CACNA1D: variants seen among roughly 807,000 people sequenced by gnomAD.
The protein encoded by CACNA1D is voltage-dependent L-type calcium channel subunit alpha-1D.
CACNA1D carries 55 observed loss-of-function variants against 257.1 expected under a neutral mutation model. The ratio of observed to expected loss-of-function variants is 0.21; its 90% CI spans 0.17 to 0.27. The LOEUF (loss-of-function observed/expected upper bound fraction) is 0.27, where lower values mean the gene tolerates loss of function less well. Among genes scored for constraint, CACNA1D ranks in the 10% least tolerant of loss-of-function variants. The probability of loss-of-function intolerance (pLI) is 1.00; values close to 1 mark genes in which losing one functional copy is unlikely to be tolerated. For synonymous variants in CACNA1D, 980 were observed against 1,014.9 expected (o/e 0.97, Z 0.65); for missense variants, 1,876 against 2,784.0 (o/e 0.67, Z 7.34).
intron 40 of CACNA1D, among the ~76,000 whole-genome samples, chr3:53,788,181 C>G (rs2095465908): frequency 6.6e-6 from 1 of 152,028 alleles, no homozygotes; most frequent in Non-Finnish European, 1.5e-5. Flanking sequence ...GTGTGTATCT[C>G]GTGGGTTAGT....
chr3:53,721,658 CT>C (rs1289693805), intron 11 of CACNA1D, among the ~76,000 whole-genome samples: 3 of 152,182 alleles, frequency 2.0e-5, no homozygotes, highest in Non-Finnish European at 4.4e-5. Flanking sequence ...AATATTGGCT[CT>C]TCTCCTAAAG....
chr3:53,718,405 C>A lies in CACNA1D; in HGVS notation c.1478+17C>A. ...AAGTCTCTGGTGAGTGTGGGGAGCA[C>A]TTGCCCTCTTTCCCCTCCTGTTGTC... On this transcript the variant is annotated intron_variant, in intron 10 of 47. Transcript: ENST00000350061. The A allele has an allele frequency of 1.2e-6, 2 of 1,607,260 alleles. No individual in the cohort carries two copies. Among genetic ancestry groups the A allele is most frequent in the South Asian group, 1.1e-5 (1 of 90,950 alleles).
chr3:53,602,228 G>A (rs1270972268), intron 3 of CACNA1D, among the ~76,000 whole-genome samples: 1 of 152,102 alleles, frequency 6.6e-6, no homozygotes, highest in African/African-American at 2.4e-5. Flanking sequence ...TCTGTGCTTG[G>A]CTTATTTCAG....
rs2094349725 is a variant in CACNA1D, at chr3:53,673,972, C to T, written c.1220+846C>T. The T allele has an allele frequency of 2.8e-6, 2 of 706,892 alleles. No homozygotes were observed. Among genetic ancestry groups the T allele is most frequent in the South Asian group, 3.0e-5 (2 of 66,778 alleles). 43.8% of individuals were successfully genotyped at this position (706,892 alleles called of 1,614,324 possible). ...TTGGATTGAACTGTGATTCTTTCTG[C>T]CTGTATCTGTCTGTGAGATTCCGTG... is the stretch of plus-strand genomic sequence containing the variant. On this transcript the variant is annotated intron_variant, in intron 8 of 47. Coordinates refer to ENST00000350061, the MANE Select transcript of CACNA1D (RefSeq NM_001128840.3). The surrounding 1 kb of genome is among the most constrained non-coding windows in gnomAD (Gnocchi z 4.1).
At chr3:53,769,568 A>G (rs1044228183) in intron 30 of CACNA1D, among the ~76,000 whole-genome samples, 1 of 152,212 alleles carries the variant, frequency 6.6e-6, no homozygotes, top group African/African-American at 2.4e-5. Context: ...CCCCTCTGCT[A>G]GAGACATTCT....
At chr3:53,520,895 T>TTTCTTTCTTTCTTTC (rs1553713023) in intron 3 of CACNA1D, among the ~76,000 whole-genome samples, 121 of 86,838 alleles carry the variant, frequency 1.4e-3, no homozygotes, top group South Asian at 2.9e-3. Flanking sequence ...TCTTTCTTTC[T>TTTCTTTCTTTCTTTC]TTTCTTTTCT....
chr3:53,531,246 A>T (rs917633125), intron 3 of CACNA1D, among the ~76,000 whole-genome samples: 15 of 152,000 alleles, frequency 9.9e-5, no homozygotes, highest in South Asian at 2.1e-4. Flanking sequence ...TTCCTTTAGG[A>T]TCTATTTTTT....
At chr3:53,764,685 C>A (rs918767234) in intron 30 of CACNA1D, among the ~76,000 whole-genome samples, 4 of 152,234 alleles carry the variant, frequency 2.6e-5, no homozygotes, top group African/African-American at 9.6e-5. Flanking sequence ...CTGCCCCTGT[C>A]CCCTGTGGCC....
At chr3:53,715,418 CA>C (rs2094807547) in intron 9 of CACNA1D, among the ~76,000 whole-genome samples, 1 of 151,996 alleles carries the variant, frequency 6.6e-6, no homozygotes. Context: ...GAATGATGGC[CA>C]AAGCTGATTC....
intron 3 of CACNA1D, among the ~76,000 whole-genome samples, chr3:53,556,796 A>T (rs2092653172): frequency 6.6e-6 from 1 of 151,812 alleles, no homozygotes; most frequent in South Asian, 2.1e-4. Flanking sequence ...GCTCACTGCA[A>T]CTTCTGCCTC....
chr3:53,767,565 CAA>C (rs397792487), intron 30 of CACNA1D, among the ~76,000 whole-genome samples: 46 of 130,436 alleles, frequency 3.5e-4, no homozygotes, highest in South Asian at 7.9e-4. Flanking sequence ...GACTCTATCT[CAA>C]AAAAAAAAAA....
At chr3:53,733,761 T>C (rs1488074672) in intron 19 of CACNA1D, among the ~76,000 whole-genome samples, 2 of 151,936 alleles carry the variant, frequency 1.3e-5, no homozygotes, top group African/African-American at 4.8e-5. Context: ...TTATAATTCA[T>C]TGGCCCTAGG....
In CACNA1D at chr3:53,811,370, C is replaced by T; in HGVS notation, c.6450C>T (p.Asp2150=). The change falls in exon 48 of 48, where the codon GAC becomes GAT. Residue 2150 remains aspartate (D), a synonymous_variant. Transcript: ENST00000350061. The surrounding 1 kb of genome is among the most constrained non-coding windows in gnomAD (Gnocchi z 4.2). The part of the protein sequence containing the change: ...EEPDPGRDEE[D]LADEMICITT... The stretch of plus-strand genomic sequence containing the variant: ...CAGACCCTGGGAGGGATGAGGAGGA[C>T]CTGGCGGATGAAATGATATGCATCA... 6.3e-7 allele frequency: 1 copy of T among 1,584,220 alleles called. No homozygotes were observed. Among genetic ancestry groups the T allele is most frequent in the Non-Finnish European group, 8.6e-7 (1 of 1,161,982 alleles).
intron 3 of CACNA1D, among the ~76,000 whole-genome samples, chr3:53,641,657 C>T (rs1265199450): frequency 6.6e-6 from 1 of 152,096 alleles, no homozygotes; most frequent in Non-Finnish European, 1.5e-5. Flanking sequence ...CCCTGGGATG[C>T]ACGGGATGGG....
chr3:53,521,394 G>T (rs2091570007), intron 3 of CACNA1D, among the ~76,000 whole-genome samples: 1 of 152,124 alleles, frequency 6.6e-6, no homozygotes, highest in Admixed American at 6.5e-5. Flanking sequence ...TACTTTTGAT[G>T]ACGCGTAATA....
chr3:53,812,872 C>CTGTA lies in CACNA1D; in HGVS notation c.*1470_*1473dup, dbSNP rs1480394108. The CTGTA allele has an allele frequency of 6.6e-6, 1 of 151,988 alleles. No homozygotes were observed. Among genetic ancestry groups the CTGTA allele is most frequent in the Non-Finnish European group, 1.5e-5 (1 of 68,002 alleles). The allele number at this position is 151,988 out of a possible 1,614,324, so 9.4% of individuals were successfully genotyped here. ...TGTTGCCTTTTACAAAACTGCTGTACTGTATGTTCTCTTTGAGGGCTTTTA... is the reference window on the plus strand; with the variant it reads ...TGTTGCCTTTTACAAAACTGCTGTACTGTATGTATGTTCTCTTTGAGGGCTTTTA... On this transcript the variant is annotated 3_prime_UTR_variant, in exon 48 of 48. Transcript: ENST00000350061.
Position 53,719,861 on chromosome 3 carries a change from G to C in CACNA1D, c.1505+80G>C, listed in dbSNP as rs1054704027. 3 of 1,272,970 alleles carry C rather than the reference G, an allele frequency of 2.4e-6. No individual in the cohort carries two copies. The African/African-American group carries it at 4.4e-5, about 19-fold the overall frequency. 78.9% of individuals were successfully genotyped at this position (1,272,970 alleles called of 1,614,324 possible). On this transcript the variant is annotated intron_variant, in intron 11 of 47. Coordinates refer to ENST00000350061, the MANE Select transcript of CACNA1D (RefSeq NM_001128840.3). ...TCACTTCTGAATTTTACGTAGTATT[G>C]CTCTGGACTTGAGTTTTCCTCTGTG...
chr3:53,805,366 C>A (rs2106832841), intron 45 of CACNA1D: 1 of 592,868 alleles, frequency 1.7e-6, no homozygotes, highest in East Asian at 2.8e-5. Flanking sequence ...GCTTGACTCT[C>A]TTTGAGAAGA....
At chr3:53,527,288 C>G (rs2107410934) in intron 3 of CACNA1D, among the ~76,000 whole-genome samples, 1 of 152,356 alleles carries the variant, frequency 6.6e-6, no homozygotes, top group East Asian at 1.9e-4. Flanking sequence ...TTCTTCTACT[C>G]CAGTGTGGAT....
Sources: gnomAD v4.1 joint callset for allele counts (sites outside exome capture counted in the v4.1 genomes callset) on GRCh38, gnomAD v4.1.1 for gene constraint, Gnocchi (gnomAD v3.1) non-coding constraint, MANE v1.5 for transcripts, NCBI Gene and HGNC (gene_info 2026-07-23, HGNC 2026-07-21) for gene names.